KCNC1: variants seen among roughly 807,000 people sequenced by gnomAD.
KCNC1 encodes voltage-gated potassium channel KCNC1.
Under a neutral mutation model 43.4 loss-of-function variants are expected in KCNC1, and 8 were observed. The ratio of observed to expected loss-of-function variants is 0.18; its 90% confidence interval spans 0.11 to 0.33. KCNC1 has a LOEUF of 0.33. KCNC1 is among the 10% of genes least tolerant of loss of function. The pLI is 1.00. For missense variants in KCNC1, 420 were observed against 836.0 expected (o/e 0.50, Z 6.14); for synonymous variants, 361 against 360.5 (o/e 1.00, Z -0.01).
rs933842432 is a variant in KCNC1 at position 17,773,277 on chromosome 11, A to G, written c.1504+679A>G. Reference sequence around the variant, plus strand: ...CCAACTCATCTTCTACCACCACTCTAGAGTTTAGCCTTTATCTTTAGGAAC... The same window carrying G: ...CCAACTCATCTTCTACCACCACTCTGGAGTTTAGCCTTTATCTTTAGGAAC... On this transcript the variant is annotated intron_variant, in intron 2 of 3. Transcript: ENST00000265969. The surrounding 1 kb of genome is among the most constrained non-coding windows in gnomAD (Gnocchi z 4.1). The G allele has an allele frequency of 4.1e-6, 4 of 985,284 alleles. No individual in the cohort carries two copies. Among genetic ancestry groups the G allele is most frequent in the African/African-American group, 1.7e-5 (1 of 57,170 alleles). The allele number at this position is 985,284 out of a possible 1,614,324, so 61.0% of individuals were successfully genotyped here.
At position 17,750,087 on chromosome 11, in the gene KCNC1, G is replaced by A. The variant is rs943871016; in HGVS notation, c.570+13515G>A. Among the ~76,000 whole-genome samples, 9 of 151,950 alleles carry A rather than the reference G, an allele frequency of 5.9e-5. No homozygotes were observed. The South Asian group carries it at 1.0e-3, about 18-fold the overall frequency. On this transcript the variant is annotated intron_variant, in intron 1 of 3. Coordinates refer to ENST00000265969, the MANE Select transcript of KCNC1 (RefSeq NM_001112741.2). ...CCTTCCTCTGCCTCAGTGTGGACTC[G>A]GGCAGGTGGTGTCTGGCTGAGCCTC...
In KCNC1 at chr11:17,735,961, A is replaced by G; in HGVS notation, c.-42A>G. Reference sequence around the variant, plus strand: ...CCAACTCCCCCTGGCGGCCGCTCCCATGGGTGTCGCTGGGCCGCGCCATGC... The same window carrying G: ...CCAACTCCCCCTGGCGGCCGCTCCCGTGGGTGTCGCTGGGCCGCGCCATGC... On this transcript the variant is annotated 5_prime_UTR_variant, in exon 1 of 4. The change abolishes an upstream ATG in the 5' untranslated region. Transcript: ENST00000265969. This position sits in a 1 kb window ranked among gnomAD's most constrained non-coding sequence, Gnocchi z 6.7. 1.4e-6 allele frequency: 2 copies of G among 1,394,674 alleles called. No individual in the cohort carries two copies. Among genetic ancestry groups the G allele is most frequent in the African/African-American group, 1.5e-5 (1 of 65,378 alleles). The allele number at this position is 1,394,674 out of a possible 1,614,324, so 86.4% of individuals were successfully genotyped here. A position where few individuals can be genotyped will look rare whatever the true frequency, so the allele number is the denominator to read the frequency against.
chr11:17,769,448 A>T (rs1353454649), intron 1 of KCNC1, among the ~76,000 whole-genome samples: 4 of 151,772 alleles, frequency 2.6e-5, no homozygotes, highest in African/African-American at 9.7e-5. Context: ...GGGAGGGAGG[A>T]TGAGTGGATG....
chr11:17,761,942 C>T (rs1849082801), intron 1 of KCNC1, among the ~76,000 whole-genome samples: 1 of 152,304 alleles, frequency 6.6e-6, no homozygotes, highest in Middle Eastern at 3.4e-3. Context: ...TCCTTCGTTC[C>T]CCACCAACCA....
In KCNC1 at chr11:17,776,641, G is replaced by A; in HGVS notation, c.1505-2815G>A. On this transcript the variant is annotated intron_variant, in intron 2 of 3. Transcript: ENST00000265969. The surrounding 1 kb of genome is among the most constrained non-coding windows in gnomAD (Gnocchi z 4.4). Reference sequence around the variant, plus strand: ...TCACTGCAGGCCTGTGGGTCTAGTGGGGGCCTGGGGGCCCTGGGCTGGGGG... The same window carrying A: ...TCACTGCAGGCCTGTGGGTCTAGTGAGGGCCTGGGGGCCCTGGGCTGGGGG... 2 of 985,340 alleles carry A rather than the reference G, an allele frequency of 2.0e-6. No homozygotes were observed. The highest frequency in any genetic ancestry group is 2.4e-6 in the Non-Finnish European group (2 of 829,932). 61.0% of individuals were successfully genotyped at this position (985,340 alleles called of 1,614,324 possible).
chr11:17,749,212 G>A (rs1361721488), intron 1 of KCNC1, among the ~76,000 whole-genome samples: 1 of 152,218 alleles, frequency 6.6e-6, no homozygotes, highest in East Asian at 1.9e-4. Flanking sequence ...TACTTCAAAG[G>A]GCTGCTGTGA....
At position 17,736,038 on chromosome 11, in the gene KCNC1, C is replaced by A. The variant is rs2133773940; in HGVS notation, c.36C>A (p.Ile12=). ...GQGDESERIV[I]NVGGTRHQTY... is the part of the protein sequence containing the mutation. Reference sequence around the variant, plus strand: ...GGGACGAGAGCGAGCGCATCGTGATCAACGTGGGCGGCACGCGCCACCAGA... The same window carrying A: ...GGGACGAGAGCGAGCGCATCGTGATAAACGTGGGCGGCACGCGCCACCAGA... Residue 12 remains isoleucine, a synonymous_variant, in exon 1 of 4, where the codon ATC becomes ATA. Transcript: ENST00000265969. The surrounding 1 kb of genome is among the most constrained non-coding windows in gnomAD (Gnocchi z 9.3). The A allele has an allele frequency of 6.4e-7, 1 of 1,556,676 alleles. No homozygotes were observed. The highest frequency in any genetic ancestry group is 8.7e-7 in the Non-Finnish European group (1 of 1,153,420).
chr11:17,779,769 G>A lies in KCNC1; in HGVS notation c.1693+125G>A. ...AGGCACACCGAGGGGGGCAAGGATGGAGGGAATCTCCCAGGGTCGGCCCCT... is the reference window on the plus strand; with the variant it reads ...AGGCACACCGAGGGGGGCAAGGATGAAGGGAATCTCCCAGGGTCGGCCCCT... On this transcript the variant is annotated intron_variant, in intron 3 of 3. Coordinates refer to ENST00000265969, the MANE Select transcript of KCNC1 (RefSeq NM_001112741.2). The surrounding 1 kb of genome is among the most constrained non-coding windows in gnomAD (Gnocchi z 7.2). 1 of 761,314 alleles carries A rather than the reference G, an allele frequency of 1.3e-6. No homozygotes were observed. Among genetic ancestry groups the A allele is most frequent in the South Asian group, 2.5e-5 (1 of 39,888 alleles). The allele number at this position is 761,314 out of a possible 1,614,324, so 47.2% of individuals were successfully genotyped here.
rs915106815 is a variant in KCNC1 at position 17,748,426 on chromosome 11, T to A, written c.570+11854T>A. On this transcript the variant is annotated intron_variant, in intron 1 of 3. Coordinates refer to ENST00000265969, the MANE Select transcript of KCNC1 (RefSeq NM_001112741.2). ...CCACACAGACAGAAAGATGGAGGAA[T>A]GTACTCTGGGGACTCCAAAGAAGGG... Among the ~76,000 whole-genome samples, 4 of 151,882 alleles carry A rather than the reference T, an allele frequency of 2.6e-5. No homozygotes were observed. The East Asian group carries it at 7.8e-4, about 29-fold the overall frequency.
In KCNC1 at chr11:17,781,287, C is replaced by G. The variant is rs533759535; in HGVS notation, c.1694-383C>G. ...GGAGATACCCATTCCTCAGTCCCACCGAGGCTTAGGTGCCAGAGTCTTTGG... is the reference window on the plus strand; with the variant it reads ...GGAGATACCCATTCCTCAGTCCCACGGAGGCTTAGGTGCCAGAGTCTTTGG... On this transcript the variant is annotated intron_variant, in intron 3 of 3. Transcript: ENST00000265969. The surrounding 1 kb of genome is among the most constrained non-coding windows in gnomAD (Gnocchi z 5.1). 9.4e-6 allele frequency: 2 copies of G among 212,132 alleles called. No individual in the cohort carries two copies. Among genetic ancestry groups the G allele is most frequent in the African/African-American group, 2.3e-5 (1 of 43,198 alleles). The allele number at this position is 212,132 out of a possible 1,614,324, so 13.1% of individuals were successfully genotyped here. A position where few individuals can be genotyped will look rare whatever the true frequency, so the allele number is the denominator to read the frequency against.
At position 17,772,542 on chromosome 11, in the gene KCNC1, C is replaced by T. The variant is rs1849241899; in HGVS notation, c.1448C>T (p.Thr483Ile). ...GTCGTAAACTCTCCACACCACAGTACTCAGAGTGACACATGTCCGCTGGCC... is the reference window on the plus strand; with the variant it reads ...GTCGTAAACTCTCCACACCACAGTATTCAGAGTGACACATGTCCGCTGGCC... ...KSVVNSPHHS[T>I]QSDTCPLAQE... The change falls in exon 2 of 4, where the codon ACT becomes ATT. Residue 483 changes from threonine to isoleucine, a missense_variant. Thr to Ile is a moderately conservative substitution (Grantham distance 89). This residue lies in a region of KCNC1 where 147 missense variants were observed against 176.1 expected (regional missense o/e 0.83). Coordinates refer to ENST00000265969, the MANE Select transcript of KCNC1 (RefSeq NM_001112741.2). 6.2e-7 allele frequency: 1 copy of T among 1,614,202 alleles called. No individual in the cohort carries two copies. Among genetic ancestry groups the T allele is most frequent in the Non-Finnish European group, 8.5e-7 (1 of 1,180,024 alleles).
At position 17,739,109 on chromosome 11, in the gene KCNC1, C is replaced by A. The variant is rs1489121951; in HGVS notation, c.570+2537C>A. Among the ~76,000 whole-genome samples, 1 of 152,152 alleles carries A rather than the reference C, an allele frequency of 6.6e-6. No individual in the cohort carries two copies. The highest frequency in any genetic ancestry group is 2.4e-5 in the African/African-American group (1 of 41,440). On this transcript the variant is annotated intron_variant, in intron 1 of 3. Transcript: ENST00000265969. This position sits in a 1 kb window ranked among gnomAD's most constrained non-coding sequence, Gnocchi z 4.2. ...AGACCAGCCGCCTGCCCGCCCTCCT[C>A]CCCCTCTGTCTTTGCTCTGCCGCCT...
At position 17,773,973 on chromosome 11, in the gene KCNC1, T is replaced by C; in HGVS notation, c.1504+1375T>C. The C allele has an allele frequency of 1.0e-6, 1 of 985,456 alleles. No homozygotes were observed. Among genetic ancestry groups the C allele is most frequent in the Non-Finnish European group, 1.2e-6 (1 of 829,972 alleles). 61.0% of individuals were successfully genotyped at this position (985,456 alleles called of 1,614,324 possible). A position where few individuals can be genotyped will look rare whatever the true frequency, so the allele number is the denominator to read the frequency against. ...TTGGGTGGCCTCCCCCAGTGGATGA[T>C]TGATTTTCTTCCCTGCTATCGCGCT... On this transcript the variant is annotated intron_variant, in intron 2 of 3. Transcript: ENST00000265969. This position sits in a 1 kb window ranked among gnomAD's most constrained non-coding sequence, Gnocchi z 4.1.
intron 1 of KCNC1, among the ~76,000 whole-genome samples, chr11:17,759,175 A>G (rs1849051067): frequency 2.0e-5 from 3 of 152,196 alleles, no homozygotes; most frequent in Admixed American, 2.0e-4. Context: ...TTATGGAGAG[A>G]GCTACTTTCC....
At chr11:17,741,542 C>A (rs1848842024) in intron 1 of KCNC1, among the ~76,000 whole-genome samples, 1 of 152,184 alleles carries the variant, frequency 6.6e-6, no homozygotes, top group South Asian at 2.1e-4. Context: ...CCCGGCAGCC[C>A]CCCAGCTGCT....
At chr11:17,738,047 T>A (rs867147655) in intron 1 of KCNC1, among the ~76,000 whole-genome samples, 19 of 152,004 alleles carry the variant, frequency 1.2e-4, no homozygotes, top group Admixed American at 5.2e-4. Context: ...ATACCTTGAA[T>A]TCTAGAACAA....
intron 1 of KCNC1, among the ~76,000 whole-genome samples, chr11:17,738,944 T>C (rs934481147): frequency 5.3e-5 from 8 of 152,188 alleles, no homozygotes; most frequent in African/African-American, 1.7e-4. Flanking sequence ...TTGAGGACAC[T>C]GAGGCCCGTA....
chr11:17,760,137 G>GA (rs111321146), intron 1 of KCNC1, among the ~76,000 whole-genome samples: 26,278 of 151,928 alleles, frequency 0.17, 2,425 homozygotes, highest in African/African-American at 0.23. Context: ...AAATAAAGAA[G>GA]AAAAAATACA....
chr11:17,770,401 C>A (rs1308755030), intron 1 of KCNC1, among the ~76,000 whole-genome samples: 2 of 152,312 alleles, frequency 1.3e-5, no homozygotes, highest in South Asian at 4.1e-4. Flanking sequence ...ACTATCTGGG[C>A]CCCTGAGAGA....
Sources: gnomAD v4.1 joint callset for allele counts (sites outside exome capture counted in the v4.1 genomes callset) on GRCh38, gnomAD v4.1.1 for gene constraint, gnomAD v4.1.1 regional missense constraint, Gnocchi (gnomAD v3.1) non-coding constraint, MANE v1.5 for transcripts, NCBI Gene and HGNC (gene_info 2026-07-23, HGNC 2026-07-21) for gene names.